The following STS variants were observed in gnomAD, a reference collection of about 807,000 sequenced individuals.
STS encodes the protein steryl-sulfatase.
STS carries 7 observed loss-of-function variants against 26.8 expected under a neutral mutation model. That is an observed-to-expected ratio of 0.26 (90% CI 0.15 to 0.49). The LOEUF (loss-of-function observed/expected upper bound fraction) is 0.49, where lower values mean the gene tolerates loss of function less well. STS is among the 20% of genes least tolerant of loss of function. STS has a pLI of 0.98. For synonymous variants in STS, 199 were observed against 189.4 expected (o/e 1.05, Z -0.42); for missense variants, 434 against 465.6 (o/e 0.93, Z 0.63).
At chrX:7,194,791 G>A (rs1397692487) in intron 2 of STS, among the ~76,000 whole-genome samples, 1 of 111,673 alleles carries the variant, frequency 9.0e-6, no homozygotes, top group African/African-American at 3.3e-5. Context: ...ATACAGTCAC[G>A]CATCGCTGGA....
chrX:7,194,089 G>T (rs1464956736), intron 2 of STS, among the ~76,000 whole-genome samples: 2 of 110,608 alleles, frequency 1.8e-5, no homozygotes, highest in African/African-American at 6.6e-5. Flanking sequence ...ATTTTTAGTG[G>T]AGATGGGGTT....
chrX:7,252,511 C>T (rs1292480245), intron 2 of STS, among the ~76,000 whole-genome samples: 1 of 111,410 alleles, frequency 9.0e-6, no homozygotes, highest in Non-Finnish European at 1.9e-5. Flanking sequence ...GCAGCAAAAC[C>T]TCAAGAGTGA....
intron 2 of STS, among the ~76,000 whole-genome samples, chrX:7,240,462 C>T (rs901944651): frequency 3.8e-4 from 27 of 70,365 alleles, no homozygotes; most frequent in East Asian, 5.0e-4. Flanking sequence ...AAGGAGCGCG[C>T]GCGCACACAC....
intron 8 of STS, among the ~76,000 whole-genome samples, chrX:7,319,167 T>C (rs1435038020): frequency 9.1e-6 from 1 of 110,345 alleles, no homozygotes; most frequent in East Asian, 2.9e-4. Context: ...TTGTTTTCTG[T>C]TTTTTAAGAC....
chrX:7,258,435 A>G (rs1923557216), intron 5 of STS, among the ~76,000 whole-genome samples: 1 of 111,879 alleles, frequency 8.9e-6, no homozygotes, highest in South Asian at 3.7e-4. Context: ...AAGAATATAC[A>G]AAACTATTCA....
chrX:7,172,997 CAT>C (rs201152475), intron 1 of STS, among the ~76,000 whole-genome samples: 2,075 of 111,387 alleles, frequency 0.019, 41 homozygotes, highest in African/African-American at 0.063. Flanking sequence ...CATAGGTAAA[CAT>C]GTGCCATGGT....
At chrX:7,345,948 C>A (rs1171989729) in intron 10 of STS, among the ~76,000 whole-genome samples, 8 of 111,967 alleles carry the variant, frequency 7.1e-5, no homozygotes, top group Admixed American at 3.8e-4. Context: ...TGCCAGGGCT[C>A]CCACTTCCTG....
At chrX:7,199,578 T>C (rs1427602053) in intron 2 of STS, among the ~76,000 whole-genome samples, 1 of 111,638 alleles carries the variant, frequency 9.0e-6, no homozygotes, top group East Asian at 2.8e-4. Context: ...TTGCAGTTTC[T>C]TTCCAGAGCC....
intron 2 of STS, among the ~76,000 whole-genome samples, chrX:7,227,501 T>C (rs181253347): frequency 8.2e-4 from 88 of 107,728 alleles, no homozygotes; most frequent in African/African-American, 2.9e-3. Context: ...GATGAGACAA[T>C]ATGCTAGTTT....
chrX:7,287,546 C>G (rs1488969167), intron 7 of STS, among the ~76,000 whole-genome samples: 1 of 111,229 alleles, frequency 9.0e-6, no homozygotes, highest in Non-Finnish European at 1.9e-5. Flanking sequence ...TCTTTTCGCT[C>G]AACTATCTAT....
At chrX:7,325,022 G>C (rs1927339325) in intron 8 of STS, among the ~76,000 whole-genome samples, 1 of 111,569 alleles carries the variant, frequency 9.0e-6, no homozygotes, top group African/African-American at 3.3e-5. Flanking sequence ...AATGGAACTT[G>C]AATTCCCTGA....
At chrX:7,227,066 A>G (rs1233972693) in intron 2 of STS, among the ~76,000 whole-genome samples, 5 of 111,866 alleles carry the variant, frequency 4.5e-5, no homozygotes, top group African/African-American at 1.6e-4. Context: ...ATACCTATTT[A>G]TTTGCTTATT....
At chrX:7,348,939 T>C (rs1216435130) in intron 10 of STS, among the ~76,000 whole-genome samples, 2 of 111,299 alleles carry the variant, frequency 1.8e-5, no homozygotes, top group African/African-American at 6.5e-5. Context: ...TAGCCTCATT[T>C]AATTCTTTTT....
intron 7 of STS, among the ~76,000 whole-genome samples, chrX:7,279,341 G>GTA (rs57619277): frequency 7.5e-4 from 56 of 74,561 alleles, no homozygotes; most frequent in Middle Eastern, 7.1e-3. Flanking sequence ...GTGTGTGTAT[G>GTA]TGTGTGTGTG....
chrX:7,152,427 G>A (rs1416904779), intron 1 of STS, among the ~76,000 whole-genome samples: 2 of 110,117 alleles, frequency 1.8e-5, no homozygotes, highest in East Asian at 5.8e-4. Context: ...AAGCGATCCT[G>A]TCACCTCAGC....
intron 6 of STS, among the ~76,000 whole-genome samples, chrX:7,265,581 G>A (rs535577043): frequency 8.9e-6 from 1 of 111,899 alleles, no homozygotes; most frequent in South Asian, 3.7e-4. Context: ...GATTTAAGAT[G>A]TTCTGGCAGC....
chrX:7,152,715 C>G (rs766279724), intron 1 of STS, among the ~76,000 whole-genome samples: 7 of 112,763 alleles, frequency 6.2e-5, no homozygotes, highest in Non-Finnish European at 1.1e-4. Flanking sequence ...CATCATTGCT[C>G]TCAACCATTT....
chrX:7,336,847 C>T (rs1928056173), intron 10 of STS, among the ~76,000 whole-genome samples: 1 of 111,626 alleles, frequency 9.0e-6, no homozygotes, highest in Admixed American at 9.6e-5. Context: ...CGGGAAGGAA[C>T]ATATTGGATC....
intron 6 of STS, among the ~76,000 whole-genome samples, chrX:7,261,977 C>G (rs140704051): frequency 8.9e-6 from 1 of 112,313 alleles, no homozygotes; most frequent in African/African-American, 3.2e-5. Context: ...TGTCATTGAA[C>G]TGTGAAATAT....
Sources: allele counts gnomAD v4.1 joint callset (sites outside exome capture counted in the v4.1 genomes callset), GRCh38; gene constraint gnomAD v4.1.1; transcripts MANE v1.5; gene names NCBI Gene and HGNC (gene_info 2026-07-23, HGNC 2026-07-21).